RPS6KA2: variants seen among roughly 807,000 people sequenced by gnomAD.
RPS6KA2 encodes the protein ribosomal protein S6 kinase alpha-2.
Under a neutral mutation model 91.8 loss-of-function variants are expected in RPS6KA2, and 42 were observed. The ratio of observed to expected loss-of-function variants is 0.46; its 90% CI spans 0.36 to 0.59. The LOEUF (loss-of-function observed/expected upper bound fraction) is 0.59, where lower values mean the gene tolerates loss of function less well. Ranked by LOEUF, RPS6KA2 falls within the 20% of genes least tolerant of loss-of-function variation. The probability of loss-of-function intolerance (pLI) is 0.00; values close to 1 mark genes in which losing one functional copy is unlikely to be tolerated. For missense variants in RPS6KA2, 798 were observed against 978.5 expected (o/e 0.82, Z 2.46); for synonymous variants, 414 against 393.6 (o/e 1.05, Z -0.61).
At chr6:166,484,891 T>A (rs1293802566) in intron 10 of RPS6KA2, among the ~76,000 whole-genome samples, 2 of 152,236 alleles carry the variant, frequency 1.3e-5, no homozygotes, top group East Asian at 3.8e-4. Flanking sequence ...ATTTCGTAAG[T>A]TTCTTGTTTG....
chr6:166,503,472 C>T (rs1782091570), intron 6 of RPS6KA2, among the ~76,000 whole-genome samples: 3 of 152,170 alleles, frequency 2.0e-5, no homozygotes, highest in South Asian at 2.1e-4. Flanking sequence ...AACTGGGACG[C>T]GTTTGCAGAC....
chr6:166,483,196 T>C (rs1781294978), intron 10 of RPS6KA2, among the ~76,000 whole-genome samples: 1 of 152,204 alleles, frequency 6.6e-6, no homozygotes. Context: ...CGCAGCTGCA[T>C]GCTGTCGGAG....
chr6:166,434,517 G>A lies in RPS6KA2; in HGVS notation c.1333-2027C>T, dbSNP rs966299546. ...AGGCTGGTCCTGCACTGCTTGTAGG[G>A]AAGCTGGCTGTCAGGTACCCAAACT... is the stretch of plus-strand genomic sequence containing the variant. On this transcript the variant is annotated intron_variant, in intron 14 of 20. Transcript: ENST00000265678. The surrounding 1 kb of genome is among the most constrained non-coding windows in gnomAD (Gnocchi z 4.4). Among the ~76,000 whole-genome samples, 114 of 152,334 alleles carry A rather than the reference G, an allele frequency of 7.5e-4. No individual in the cohort carries two copies. Among genetic ancestry groups the A allele is most frequent in the African/African-American group, 2.6e-3 (110 of 41,580 alleles).
At chr6:166,670,308 G>T (rs964999119) in intron 2 of RPS6KA2, among the ~76,000 whole-genome samples, 6 of 152,228 alleles carry the variant, frequency 3.9e-5, no homozygotes, top group Non-Finnish European at 7.3e-5. Context: ...AGTGAATTTG[G>T]GAGTGATTCC....
intron 1 of RPS6KA2, among the ~76,000 whole-genome samples, chr6:166,542,124 G>C (rs778603244): frequency 6.6e-6 from 1 of 152,098 alleles, no homozygotes; most frequent in African/African-American, 2.4e-5. Flanking sequence ...CCATGGACTC[G>C]GCGCGCACTC....
chr6:166,414,594 G>C (rs1339391646), intron 19 of RPS6KA2, among the ~76,000 whole-genome samples: 3 of 152,230 alleles, frequency 2.0e-5, no homozygotes, highest in Admixed American at 2.0e-4. Context: ...CAAACCTGAT[G>C]CTTCTGCTCT....
chr6:166,793,433 G>T (rs1387989947), intron 2 of RPS6KA2, among the ~76,000 whole-genome samples: 1 of 150,428 alleles, frequency 6.6e-6, no homozygotes, highest in African/African-American at 2.5e-5. Context: ...ACTGCCCAAG[G>T]TGATTTATAG....
chr6:166,471,470 C>T (rs573677537), intron 10 of RPS6KA2, among the ~76,000 whole-genome samples: 25 of 152,348 alleles, frequency 1.6e-4, no homozygotes, highest in East Asian at 9.6e-4. Flanking sequence ...GTGCTAGGAA[C>T]GAACCCACAT....
At chr6:166,833,852 G>A (rs766856139) in intron 2 of RPS6KA2, among the ~76,000 whole-genome samples, 3 of 152,010 alleles carry the variant, frequency 2.0e-5, no homozygotes, top group Non-Finnish European at 4.4e-5. Flanking sequence ...ATGGATGTAT[G>A]TTTTTATTCC....
At chr6:166,725,750 TC>T (rs1790317843) in intron 2 of RPS6KA2, among the ~76,000 whole-genome samples, 1 of 152,186 alleles carries the variant, frequency 6.6e-6, no homozygotes, top group Admixed American at 6.5e-5. Flanking sequence ...TTGCACAGCT[TC>T]CTCGGGCCAG....
At chr6:166,707,313 C>T (rs556955324) in intron 2 of RPS6KA2, among the ~76,000 whole-genome samples, 14 of 152,328 alleles carry the variant, frequency 9.2e-5, no homozygotes, top group Non-Finnish European at 1.5e-4. Flanking sequence ...CTCACCCACA[C>T]GGTTAGGGAG....
chr6:166,640,300 G>T (rs570533216), intron 2 of RPS6KA2, among the ~76,000 whole-genome samples: 1 of 152,048 alleles, frequency 6.6e-6, no homozygotes, highest in East Asian at 1.9e-4. Flanking sequence ...TGCTAGATTT[G>T]TTTTAGCAAA....
intron 2 of RPS6KA2, among the ~76,000 whole-genome samples, chr6:166,689,958 C>A (rs1483429823): frequency 2.0e-5 from 3 of 152,250 alleles, no homozygotes; most frequent in Admixed American, 6.5e-5. Flanking sequence ...TCTGGTCCTG[C>A]TGCTGTGGCC....
chr6:166,430,638 G>A (rs772679852), intron 15 of RPS6KA2, 27 bp from the exon 16 acceptor site: 110 of 1,595,018 alleles, frequency 6.9e-5, no homozygotes, highest in Non-Finnish European at 8.7e-5. Context: ...GGGCGCACAC[G>A]TCACCACGGC....
In RPS6KA2 at chr6:166,533,057, C is replaced by T. The variant is rs1302314128; in HGVS notation, c.217-1744G>A. Among the ~76,000 whole-genome samples, 1 of 152,202 alleles carries T rather than the reference C, an allele frequency of 6.6e-6. No individual in the cohort carries two copies. Among genetic ancestry groups the T allele is most frequent in the Non-Finnish European group, 1.5e-5 (1 of 68,024 alleles). On this transcript the variant is annotated intron_variant, in intron 2 of 20. Coordinates refer to ENST00000265678, the MANE Select transcript of RPS6KA2 (RefSeq NM_021135.6). This position sits in a 1 kb window ranked among gnomAD's most constrained non-coding sequence, Gnocchi z 4.0. ...TGGAAGGACTCTGCCTCAGGGTGTT[C>T]CCTCTGTGCAGTGGGCGAGCTTCCT...
chr6:166,428,261 C>G (rs1583119632), intron 16 of RPS6KA2, among the ~76,000 whole-genome samples: 2 of 150,886 alleles, frequency 1.3e-5, no homozygotes, highest in Admixed American at 6.6e-5. Flanking sequence ...ATGTAGAAAG[C>G]TGAAACTGGA....
At chr6:166,763,803 C>T (rs1434643948) in intron 2 of RPS6KA2, among the ~76,000 whole-genome samples, 1 of 152,190 alleles carries the variant, frequency 6.6e-6, no homozygotes, top group African/African-American at 2.4e-5. Context: ...ATGATAATAA[C>T]CAACTGCAAA....
chr6:166,491,747 CA>C (rs955982141), intron 8 of RPS6KA2, among the ~76,000 whole-genome samples: 2 of 152,010 alleles, frequency 1.3e-5, no homozygotes, highest in Non-Finnish European at 2.9e-5. Context: ...GTAGAAAGAC[CA>C]AAAAAATCAC....
chr6:166,586,488 C>G (rs1260161822), intron 1 of RPS6KA2: 1 of 1,594,062 alleles, frequency 6.3e-7, no homozygotes, highest in Non-Finnish European at 8.5e-7. Context: ...TCTGAAAATC[C>G]CAAAGGTTTG....
Sources: gnomAD v4.1 joint callset for allele counts (sites outside exome capture counted in the v4.1 genomes callset) on GRCh38, gnomAD v4.1.1 for gene constraint, Gnocchi (gnomAD v3.1) non-coding constraint, MANE v1.5 for transcripts, NCBI Gene and HGNC (gene_info 2026-07-23, HGNC 2026-07-21) for gene names.